The following MGST1 variants were observed in gnomAD, a reference collection of about 807,000 sequenced individuals.
MGST1 encodes glutathione S-transferase 12.
MGST1 carries 5 observed loss-of-function variants against 8.9 expected under a neutral mutation model. The ratio of observed to expected loss-of-function variants is 0.56; its 90% confidence interval spans 0.29 to 1.19. The LOEUF is 1.19. MGST1 is among the 50% of genes most tolerant of loss of function. MGST1 has a pLI of 0.08. For synonymous variants in MGST1, 54 were observed against 67.8 expected, an observed-to-expected ratio of 0.80 and a Z score of 1.00; for missense variants, 182 against 187.4, an observed-to-expected ratio of 0.97 and a Z score of 0.17.
chr12:16,484,939 C>A (rs1026715016), intron 4 of MGST1, among the ~76,000 whole-genome samples: 2 of 152,168 alleles, frequency 1.3e-5, no homozygotes, highest in Admixed American at 6.5e-5. Flanking sequence ...GATCACTATG[C>A]CCACTATATT....
downstream of MGST1, among the ~76,000 whole-genome samples, chr12:16,590,772 T>C (rs772208811): frequency 2.1e-4 from 32 of 152,050 alleles, no homozygotes; most frequent in Non-Finnish European, 4.0e-4. Flanking sequence ...GCCATATTAA[T>C]AGACGAATGT....
downstream of MGST1, among the ~76,000 whole-genome samples, chr12:16,379,344 G>GT (rs1033133255): frequency 6.6e-6 from 1 of 152,180 alleles, no homozygotes; most frequent in African/African-American, 2.4e-5. Flanking sequence ...TTTACTGAGA[G>GT]TTTTTAGCAT....
intron 4 of MGST1, among the ~76,000 whole-genome samples, chr12:16,533,330 A>G (rs1334295707): frequency 6.6e-6 from 1 of 152,142 alleles, no homozygotes; most frequent in Non-Finnish European, 1.5e-5. Flanking sequence ...AAGAGGCTGT[A>G]CACCTTGATT....
At chr12:16,561,009 TTAAA>T (rs565213140) in intron 4 of MGST1, among the ~76,000 whole-genome samples, 149 of 152,258 alleles carry the variant, frequency 9.8e-4, no homozygotes, top group African/African-American at 3.3e-3. Context: ...AAGAAGCCAT[TTAAA>T]TAGTCAAAAA....
downstream of MGST1, among the ~76,000 whole-genome samples, chr12:16,379,073 T>C (rs1051029746): frequency 2.6e-5 from 4 of 152,126 alleles, no homozygotes; most frequent in Non-Finnish European, 4.4e-5. Context: ...TTTCTAGATA[T>C]ACAATCATGT....
At position 16,462,020 on chromosome 12, in the gene MGST1, C is replaced by T. The variant is rs555885828; in HGVS notation, n.482+78416C>T. ...GAAGCCTGTTTTCCTAAGGTCTCAT[C>T]ACCCACAGATAATCTGACTGAGGAT... On this transcript the variant is annotated intron_variant and non_coding_transcript_variant, in intron 4 of 4. Transcript: ENST00000538857. Among the ~76,000 whole-genome samples the T allele has an allele frequency of 4.6e-5, 7 of 152,200 alleles. No homozygotes were observed. The South Asian group carries it at 8.3e-4, about 18-fold the overall frequency.
chr12:16,564,270 G>T (rs1035114716), intron 4 of MGST1, among the ~76,000 whole-genome samples: 2 of 151,850 alleles, frequency 1.3e-5, no homozygotes, highest in African/African-American at 2.4e-5. Context: ...CATGCACAGA[G>T]AAATATTTAA....
rs1940529476 is a variant in MGST1, at chr12:16,389,212, A to G, written n.778+5608A>G. 6.6e-6 allele frequency among the ~76,000 whole-genome samples: 1 copy of G among 152,252 alleles called. No homozygotes were observed. The highest frequency in any genetic ancestry group is 1.5e-5 in the Non-Finnish European group (1 of 68,044). On this transcript the variant is annotated intron_variant and non_coding_transcript_variant, in intron 1 of 1. Coordinates refer to the MGST1 transcript ENST00000359720. This position sits in a 1 kb window ranked among gnomAD's most constrained non-coding sequence, Gnocchi z 4.6. ...CCAGCTCCAATTACAGAAATAACAG[A>G]AGGAAATTTTAGCTTCACAAACTGA...
downstream of MGST1, among the ~76,000 whole-genome samples, chr12:16,439,765 G>T (rs1230728782): frequency 2.0e-5 from 3 of 151,616 alleles, no homozygotes; most frequent in Admixed American, 2.0e-4. Flanking sequence ...TTGTAATCTG[G>T]CCATAACCTG....
intron 4 of MGST1, among the ~76,000 whole-genome samples, chr12:16,460,369 G>A (rs1316612427): frequency 2.0e-5 from 3 of 152,110 alleles, no homozygotes; most frequent in African/African-American, 7.2e-5. Context: ...GCTGGTGGGA[G>A]GGTTAGAGTT....
rs1940135379 is a variant in MGST1 at position 16,364,166 on chromosome 12, A to G, written c.*125A>G. 4.3e-6 allele frequency: 6 copies of G among 1,380,782 alleles called. No homozygotes were observed. Among genetic ancestry groups the G allele is most frequent in the Non-Finnish European group, 5.6e-6 (6 of 1,064,610 alleles). The allele number at this position is 1,380,782 out of a possible 1,614,324, so 85.5% of individuals were successfully genotyped here. ...AGGAATTATGAACTGGGGTAAACCC[A>G]TTTTGAATATTAGCATTGCCAATAT... On this transcript the variant is annotated 3_prime_UTR_variant, in exon 4 of 4. Coordinates refer to ENST00000396210, the MANE Select transcript of MGST1 (RefSeq NM_020300.5). The surrounding 1 kb of genome is among the most constrained non-coding windows in gnomAD (Gnocchi z 5.7).
chr12:16,592,122 C>T (rs905548611), downstream of MGST1, among the ~76,000 whole-genome samples: 6 of 151,936 alleles, frequency 3.9e-5, no homozygotes, highest in African/African-American at 1.4e-4. Flanking sequence ...ATATATTATA[C>T]AAAATTAATT....
chr12:16,475,685 G>A (rs191426217), intron 4 of MGST1, among the ~76,000 whole-genome samples: 3 of 152,294 alleles, frequency 2.0e-5, no homozygotes, highest in Non-Finnish European at 4.4e-5. Context: ...TAAGGAGACT[G>A]TTGGAAGTAG....
At chr12:16,414,880 C>T (rs763469407) in intron 1 of MGST1, among the ~76,000 whole-genome samples, 27 of 152,012 alleles carry the variant, frequency 1.8e-4, no homozygotes, top group Non-Finnish European at 2.2e-4. Context: ...AAAAATTAGC[C>T]GGGCGTGATG....
chr12:16,591,580 C>T (rs1487605219), downstream of MGST1, among the ~76,000 whole-genome samples: 4 of 151,832 alleles, frequency 2.6e-5, no homozygotes, highest in South Asian at 2.1e-4. This position sits in a 1 kb window ranked among gnomAD's most constrained non-coding sequence, Gnocchi z 4.1. Flanking sequence ...CTAGAATATA[C>T]AGAATGATCA....
chr12:16,410,410 G>T lies in MGST1; in HGVS notation n.778+26806G>T, dbSNP rs1196048832. On this transcript the variant is annotated intron_variant and non_coding_transcript_variant, in intron 1 of 1. Transcript: ENST00000359720. The surrounding 1 kb of genome is among the most constrained non-coding windows in gnomAD (Gnocchi z 4.4). ...TTCAAGTTCCCACCAGTTCTCACCC[G>T]AATTGCTGCAATAGCCCGTCTGTGT... Among the ~76,000 whole-genome samples, 1 of 151,662 alleles carries T rather than the reference G, an allele frequency of 6.6e-6. No homozygotes were observed. Among genetic ancestry groups the T allele is most frequent in the South Asian group, 2.1e-4 (1 of 4,816 alleles).
At chr12:16,399,364 A>T (rs1301220378) in intron 1 of MGST1, 18 of 1,533,196 alleles carry the variant, frequency 1.2e-5, no homozygotes, top group Middle Eastern at 2.1e-4. Context: ...CTGTGCACAG[A>T]TGCCTTCCTC....
intron 1 of MGST1, among the ~76,000 whole-genome samples, chr12:16,426,325 C>G (rs1180126912): frequency 6.6e-6 from 1 of 152,188 alleles, no homozygotes; most frequent in African/African-American, 2.4e-5. Context: ...AATGCTCATT[C>G]ACTGCACTTT....
chr12:16,501,499 C>A (rs889828614), intron 4 of MGST1, among the ~76,000 whole-genome samples: 1 of 152,134 alleles, frequency 6.6e-6, no homozygotes, highest in Non-Finnish European at 1.5e-5. Flanking sequence ...GTAATGAAAA[C>A]CTATTTGGTG....
Sources: gnomAD v4.1 joint callset for allele counts (sites outside exome capture counted in the v4.1 genomes callset) on GRCh38, gnomAD v4.1.1 for gene constraint, Gnocchi (gnomAD v3.1) non-coding constraint, MANE v1.5 for transcripts, NCBI Gene and HGNC (gene_info 2026-07-23, HGNC 2026-07-21) for gene names.